ADGRL3: variants seen among roughly 807,000 people sequenced by gnomAD.
ADGRL3 encodes the protein calcium-independent alpha-latrotoxin receptor 3.
A neutral mutation model predicts 153.5 loss-of-function variants in ADGRL3; 62 were observed. The observed-to-expected ratio is 0.40, with a 90% CI of 0.33 to 0.50. The LOEUF is 0.50. Among genes scored for constraint, ADGRL3 ranks in the 20% least tolerant of loss-of-function variants. The pLI is 0.47. For missense variants in ADGRL3, 1,641 were observed against 1,859.4 expected (o/e 0.88, Z 2.16); for synonymous variants, 710 against 672.5 (o/e 1.06, Z -0.86).
Position 61,804,320 on chromosome 4 carries a change from C to G in ADGRL3, c.1400-9489C>G, listed in dbSNP as rs1276803882. Among the ~76,000 whole-genome samples, 3 of 152,208 alleles carry G rather than the reference C, an allele frequency of 2.0e-5. No individual in the cohort carries two copies. The East Asian group carries it at 5.8e-4, about 29-fold the overall frequency. On this transcript the variant is annotated intron_variant, in intron 8 of 26. Coordinates refer to ENST00000683033, the MANE Select transcript of ADGRL3 (RefSeq NM_001387552.1). ...TCAGCTAACTAACATGCTGTCAAAT[C>G]TTGCTGGGCCATCCTCCTGACAGAT...
rs533677998 is a variant in ADGRL3 at position 61,644,600 on chromosome 4, G to A, written c.474-32226G>A. ...TTTCCATGTAGTTGAGCGGTTTTGC[G>A]TGAGATTCTTAATCCTGAGTTGTAG... On this transcript the variant is annotated intron_variant, in intron 5 of 26. Transcript: ENST00000683033. Among the ~76,000 whole-genome samples, 48 of 152,282 alleles carry A rather than the reference G, an allele frequency of 3.2e-4. 1 individual carries two copies. The highest frequency in any genetic ancestry group is 6.8e-3 in the Middle Eastern group (2 of 294).
chr4:61,932,491 T>G (rs1396806957), intron 13 of ADGRL3, among the ~76,000 whole-genome samples: 1 of 152,186 alleles, frequency 6.6e-6, no homozygotes, highest in Admixed American at 6.6e-5. Context: ...GATTTTTGTA[T>G]GTTGAACTCT....
chr4:61,851,505 C>G (rs570446128), intron 9 of ADGRL3, among the ~76,000 whole-genome samples: 68 of 147,404 alleles, frequency 4.6e-4, no homozygotes, highest in African/African-American at 1.7e-3. Flanking sequence ...AGGAGGATAG[C>G]TTGAGCCTGG....
chr4:61,934,797 G>A, intron 13 of ADGRL3, 43 bp from the exon 14 acceptor site: 1 of 1,507,460 alleles, frequency 6.6e-7, no homozygotes, highest in Non-Finnish European at 9.2e-7. Context: ...ACAGCTATGT[G>A]GGTTCACTAG....
Position 61,517,533 on chromosome 4 carries a change from G to C in ADGRL3, c.259+15G>C. On this transcript the variant is annotated intron_variant, in intron 4 of 26. Transcript: ENST00000683033. ...TGCAGCGCAAGGTGCGGCCAGCGGT[G>C]GGGAGAGAGGGCTGGGGGTGGCTGG... 1.4e-6 allele frequency: 1 copy of C among 701,864 alleles called. No homozygotes were observed. Among genetic ancestry groups the C allele is most frequent in the Non-Finnish European group, 2.6e-6 (1 of 385,484 alleles). The allele number at this position is 701,864 out of a possible 1,614,324, so 43.5% of individuals were successfully genotyped here. A position where few individuals can be genotyped will look rare whatever the true frequency, so the allele number is the denominator to read the frequency against.
intron 1 of ADGRL3, among the ~76,000 whole-genome samples, chr4:61,251,867 C>CTT (rs374884124): frequency 1.3e-3 from 177 of 135,276 alleles, no homozygotes; most frequent in Middle Eastern, 4.0e-3. Flanking sequence ...TCCTAAGATT[C>CTT]TTTTTTTTTT....
chr4:61,864,453 C>T (rs2098381300), intron 9 of ADGRL3, among the ~76,000 whole-genome samples: 1 of 152,166 alleles, frequency 6.6e-6, no homozygotes. Flanking sequence ...TGGCTCTTCC[C>T]TGTCTTGCAT....
intron 6 of ADGRL3, among the ~76,000 whole-genome samples, chr4:61,698,312 C>T (rs1475227273): frequency 2.0e-5 from 3 of 151,886 alleles, no homozygotes; most frequent in African/African-American, 7.3e-5. Context: ...ATTAGCCAGG[C>T]GTGGTAGCAG....
intron 12 of ADGRL3, among the ~76,000 whole-genome samples, chr4:61,910,894 T>C (rs1414491107): frequency 1.3e-5 from 2 of 150,140 alleles, no homozygotes; most frequent in African/African-American, 4.9e-5. Context: ...GCAAACAGTT[T>C]TTTTTTTTTC....
intron 1 of ADGRL3, among the ~76,000 whole-genome samples, chr4:61,308,983 T>C (rs1282569364): frequency 6.6e-6 from 1 of 152,164 alleles, no homozygotes; most frequent in African/African-American, 2.4e-5. Context: ...AGGTAATATA[T>C]ATGTTTGGCA....
At chr4:61,316,009 A>G (rs1303500891) in intron 1 of ADGRL3, among the ~76,000 whole-genome samples, 1 of 152,212 alleles carries the variant, frequency 6.6e-6, no homozygotes, top group Non-Finnish European at 1.5e-5. Flanking sequence ...AATTTGTTCC[A>G]TGTTCTCATG....
intron 1 of ADGRL3, among the ~76,000 whole-genome samples, chr4:61,365,484 G>A (rs1329559383): frequency 6.6e-6 from 1 of 152,198 alleles, no homozygotes; most frequent in Non-Finnish European, 1.5e-5. Flanking sequence ...GCAAGGGAAA[G>A]GTATCTGCCT....
chr4:61,580,641 A>T (rs1021808352), intron 4 of ADGRL3, among the ~76,000 whole-genome samples: 3 of 152,142 alleles, frequency 2.0e-5, no homozygotes, highest in East Asian at 3.9e-4. Context: ...GGGGTTTCTC[A>T]TGGGGTTGCA....
chr4:61,375,759 A>G (rs2096595658), intron 1 of ADGRL3, among the ~76,000 whole-genome samples: 2 of 152,270 alleles, frequency 1.3e-5, no homozygotes, highest in Admixed American at 6.5e-5. Context: ...CAAGGGGTCT[A>G]TATGTTCTCT....
intron 9 of ADGRL3, among the ~76,000 whole-genome samples, chr4:61,867,266 A>C (rs1388550036): frequency 6.6e-6 from 1 of 151,810 alleles, no homozygotes; most frequent in Admixed American, 6.6e-5. Context: ...TGGGAGGCCA[A>C]GGTGGGCAGA....
At chr4:61,964,181 C>T (rs1407929749) in intron 17 of ADGRL3, among the ~76,000 whole-genome samples, 1 of 152,120 alleles carries the variant, frequency 6.6e-6, no homozygotes, top group Non-Finnish European at 1.5e-5. Context: ...ATCTGAACTT[C>T]TTGTTCCCAT....
chr4:61,715,050 T>A (rs113590690), intron 6 of ADGRL3, among the ~76,000 whole-genome samples: 1 of 152,198 alleles, frequency 6.6e-6, no homozygotes, highest in African/African-American at 2.4e-5. Context: ...CATTCAGAGA[T>A]CTGATTTGGT....
At chr4:61,406,748 G>T (rs978161239) in intron 2 of ADGRL3, among the ~76,000 whole-genome samples, 4 of 151,902 alleles carry the variant, frequency 2.6e-5, no homozygotes, top group Non-Finnish European at 5.9e-5. Context: ...TAATGTGTTT[G>T]TACAAGAAAA....
chr4:61,586,301 T>A lies in ADGRL3; in HGVS notation c.260-926T>A, dbSNP rs114805629. On this transcript the variant is annotated intron_variant, in intron 4 of 26. Coordinates refer to ENST00000683033, the MANE Select transcript of ADGRL3 (RefSeq NM_001387552.1). ...ATTACAGCCAAGGTGCACAGATAGG[T>A]TTAGGCTTCCTTGCAGTATTATGAC... Among the ~76,000 whole-genome samples, 803 of 152,056 alleles carry A rather than the reference T, an allele frequency of 5.3e-3. 9 individuals are homozygous for A. Among genetic ancestry groups the A allele is most frequent in the African/African-American group, 0.017 (703 of 41,510 alleles).
Sources: allele counts gnomAD v4.1 joint callset (sites outside exome capture counted in the v4.1 genomes callset), GRCh38; gene constraint gnomAD v4.1.1; transcripts MANE v1.5; gene names NCBI Gene and HGNC (gene_info 2026-07-23, HGNC 2026-07-21).